SPRED2: variants seen among roughly 807,000 people sequenced by gnomAD.
The protein encoded by SPRED2 is sprouty-related, EVH1 domain-containing protein 2.
A neutral mutation model predicts 43.0 loss-of-function variants in SPRED2; 47 were observed. The observed-to-expected ratio is 1.09, with a 90% confidence interval of 0.87 to 1.40. The LOEUF (loss-of-function observed/expected upper bound fraction) is 1.40. Among genes scored for constraint, SPRED2 ranks in the 40% most tolerant of loss-of-function variants. The probability of loss-of-function intolerance (pLI) is 0.00; values close to 1 mark genes in which losing one functional copy is unlikely to be tolerated. For missense variants in SPRED2, 561 were observed against 586.4 expected (o/e 0.96, Z 0.45); for synonymous variants, 225 against 225.7 (o/e 1.00, Z 0.03).
At chr2:65,331,383 A>G (rs1010206692) in intron 4 of SPRED2, among the ~76,000 whole-genome samples, 1 of 152,380 alleles carries the variant, frequency 6.6e-6, no homozygotes, top group East Asian at 1.9e-4. Flanking sequence ...TAACTGAAGC[A>G]GCAAGCTGAG....
chr2:65,378,528 C>T (rs948644700), intron 1 of SPRED2, among the ~76,000 whole-genome samples: 2 of 152,196 alleles, frequency 1.3e-5, no homozygotes, highest in African/African-American at 2.4e-5. Flanking sequence ...ACTACTCTAT[C>T]TCTGTCAATG....
chr2:65,429,873 GCT>G (rs1284147409), intron 1 of SPRED2, among the ~76,000 whole-genome samples: 3 of 152,314 alleles, frequency 2.0e-5, no homozygotes, highest in Admixed American at 6.5e-5. Flanking sequence ...TGCTGAACTT[GCT>G]CTGAGAGCCT....
chr2:65,308,884 G>A (rs531076245), downstream of SPRED2, among the ~76,000 whole-genome samples: 1 of 152,196 alleles, frequency 6.6e-6, no homozygotes, highest in African/African-American at 2.4e-5. Flanking sequence ...TGGGCATGGT[G>A]GTTCACACCT....
chr2:65,405,389 A>G (rs1558687052), intron 1 of SPRED2, among the ~76,000 whole-genome samples: 2 of 152,242 alleles, frequency 1.3e-5, no homozygotes, highest in South Asian at 4.1e-4. Flanking sequence ...ACAAGGACAA[A>G]TTGCTGCAAA....
At chr2:65,316,956 G>T in intron 4 of SPRED2, 73 bp from the exon 5 acceptor site, 2 of 1,480,490 alleles carry the variant, frequency 1.4e-6, no homozygotes, top group Non-Finnish European at 1.9e-6. Context: ...ACCCTGACAT[G>T]CACTATTCAA....
At chr2:65,350,037 C>A (rs1252715775) in intron 1 of SPRED2, among the ~76,000 whole-genome samples, 3 of 152,226 alleles carry the variant, frequency 2.0e-5, no homozygotes, top group African/African-American at 7.2e-5. Flanking sequence ...CAACTGCTTC[C>A]TATCCATGGT....
intron 1 of SPRED2, among the ~76,000 whole-genome samples, chr2:65,357,716 C>A (rs1674696723): frequency 1.3e-5 from 2 of 152,172 alleles, no homozygotes; most frequent in African/African-American, 4.8e-5. Flanking sequence ...GAAAAAATCA[C>A]AGAGCTAGAG....
chr2:65,398,217 C>G (rs184859513), intron 1 of SPRED2, among the ~76,000 whole-genome samples: 1 of 152,218 alleles, frequency 6.6e-6, no homozygotes, highest in Non-Finnish European at 1.5e-5. Flanking sequence ...CCTCATCTCT[C>G]ATCTTATACA....
intron 1 of SPRED2, among the ~76,000 whole-genome samples, chr2:65,375,587 G>A (rs747051237): frequency 6.6e-6 from 1 of 152,186 alleles, no homozygotes; most frequent in Non-Finnish European, 1.5e-5. Context: ...AAACAGTAGG[G>A]GGAATGGACA....
At position 65,364,121 on chromosome 2, in the gene SPRED2, GT is replaced by G. The variant is rs532078487; in HGVS notation, c.27-19226del. 1.6e-3 allele frequency among the ~76,000 whole-genome samples: 248 copies of G among 152,274 alleles called. 1 individual carries two copies. Among genetic ancestry groups the G allele is most frequent in the African/African-American group, 5.9e-3 (244 of 41,558 alleles). ...TTGATTTCCATCCAAGCAGAGTTAG[GT>G]TTTGAAGAACCAAAAAGGAATAGCT... is the stretch of plus-strand genomic sequence containing the variant. On this transcript the variant is annotated intron_variant, in intron 1 of 5. Coordinates refer to ENST00000356388, the MANE Select transcript of SPRED2 (RefSeq NM_181784.3).
chr2:65,311,814 T>C lies in SPRED2; in HGVS notation c.*1687A>G, dbSNP rs1673076835. ...AAAATCGATGAGCTTGTGGACGAGC[T>C]GGAAACAGCCCCATGAAGGTGAGCA... On this transcript the variant is annotated 3_prime_UTR_variant, in exon 6 of 6. Transcript: ENST00000356388. The C allele has an allele frequency of 2.0e-6, 2 of 985,360 alleles. No individual in the cohort carries two copies. The highest frequency in any genetic ancestry group is 4.7e-5 in the South Asian group (1 of 21,294). 61.0% of individuals were successfully genotyped at this position (985,360 alleles called of 1,614,324 possible).
chr2:65,354,798 T>C (rs1674602030), intron 1 of SPRED2, among the ~76,000 whole-genome samples: 1 of 152,216 alleles, frequency 6.6e-6, no homozygotes, highest in Admixed American at 6.5e-5. Flanking sequence ...TGGGGCAGTT[T>C]TAAACATGGG....
chr2:65,387,519 G>A (rs1039617035), intron 1 of SPRED2, among the ~76,000 whole-genome samples: 3 of 152,040 alleles, frequency 2.0e-5, no homozygotes, highest in African/African-American at 7.2e-5. Flanking sequence ...TAGCAAAATC[G>A]TCAAAACATA....
At chr2:65,331,516 A>T (rs1351968569) in intron 4 of SPRED2, among the ~76,000 whole-genome samples, 1 of 152,094 alleles carries the variant, frequency 6.6e-6, no homozygotes, top group Non-Finnish European at 1.5e-5. Context: ...TTCTTATCAG[A>T]TGTTTAATTA....
At chr2:65,366,474 C>A in intron 1 of SPRED2, 1 of 1,046,808 alleles carries the variant, frequency 9.6e-7, no homozygotes, top group South Asian at 1.5e-5. Flanking sequence ...ACACTGTGGT[C>A]CTCTACAACT....
chr2:65,356,255 T>C lies in SPRED2; in HGVS notation c.27-11359A>G, dbSNP rs140943008. Among the ~76,000 whole-genome samples the C allele has an allele frequency of 2.0e-5, 3 of 152,312 alleles. No individual in the cohort carries two copies. In the East Asian group the frequency reaches 5.8e-4, roughly 29 times the overall value. On this transcript the variant is annotated intron_variant, in intron 1 of 5. Coordinates refer to ENST00000356388, the MANE Select transcript of SPRED2 (RefSeq NM_181784.3). The stretch of plus-strand genomic sequence containing the variant: ...ATGCATTTAAAAAAACATGGAATCA[T>C]GGATGGAGATAGATGGATAGATATG...
chr2:65,333,669 T>A (rs1325363532), intron 3 of SPRED2, among the ~76,000 whole-genome samples: 1 of 152,228 alleles, frequency 6.6e-6, no homozygotes, highest in East Asian at 1.9e-4. Context: ...AGAACTATGA[T>A]TTGAACACTG....
chr2:65,395,882 G>C (rs199746006), intron 1 of SPRED2, among the ~76,000 whole-genome samples: 2 of 152,138 alleles, frequency 1.3e-5, no homozygotes, highest in East Asian at 1.9e-4. Flanking sequence ...CAGGACTCAG[G>C]GTCCTTTTTT....
chr2:65,361,817 T>G (rs1352457843), intron 1 of SPRED2, among the ~76,000 whole-genome samples: 2 of 152,228 alleles, frequency 1.3e-5, no homozygotes, highest in Non-Finnish European at 2.9e-5. Context: ...AATTTTGCTC[T>G]TCACCCCTCC....
Sources: gnomAD v4.1 joint callset for allele counts (sites outside exome capture counted in the v4.1 genomes callset) on GRCh38, gnomAD v4.1.1 for gene constraint, MANE v1.5 for transcripts, NCBI Gene and HGNC (gene_info 2026-07-23, HGNC 2026-07-21) for gene names.